Variants in B4GALNT2 observed in about 807,000 individuals in gnomAD.
B4GALNT2 encodes beta-1,4-N-acetyl-galactosaminyltransferase 2 (SID blood group), also known as N-acetylneuraminylgalactosylglucosyl-glucoside beta-1,4-N- acetylgalactosaminyltransferase 2.
B4GALNT2 carries 42 observed loss-of-function variants against 51.1 expected under a neutral mutation model. That is an observed-to-expected ratio of 0.82 (90% CI 0.64 to 1.06). The LOEUF is 1.06. Among genes scored for constraint, B4GALNT2 ranks in the 50% least tolerant of loss-of-function variants. The probability of loss-of-function intolerance (pLI) is 0.00; values close to 1 mark genes in which losing one functional copy is unlikely to be tolerated. For synonymous variants in B4GALNT2, 253 were observed against 251.7 expected, an observed-to-expected ratio of 1.01 and a Z score of -0.05; for missense variants, 602 against 633.6, an observed-to-expected ratio of 0.95 and a Z score of 0.54.
intron 5 of B4GALNT2, among the ~76,000 whole-genome samples, chr17:49,157,467 T>C (rs369312218): frequency 8.6e-4 from 131 of 152,150 alleles, no homozygotes; most frequent in African/African-American, 2.9e-3. Context: ...ACTACAGGCA[T>C]GCACCACTAC....
chr17:49,133,378 G>T (rs1347251289), intron 1 of B4GALNT2, among the ~76,000 whole-genome samples: 1 of 152,162 alleles, frequency 6.6e-6, no homozygotes, highest in Non-Finnish European at 1.5e-5. Flanking sequence ...GTGGCCCCGC[G>T]TGCTAAAGAG....
At chr17:49,124,508 C>G in the B4GALNT2 span, among the ~76,000 whole-genome samples, 4 of 152,174 alleles carry the variant, frequency 2.6e-5, no homozygotes, top group Non-Finnish European at 5.9e-5. Context: ...ATTATAATTA[C>G]TACTGATAAC....
intron 3 of B4GALNT2, among the ~76,000 whole-genome samples, chr17:49,145,392 G>A (rs2042684925): frequency 6.6e-6 from 1 of 152,056 alleles, no homozygotes; most frequent in Admixed American, 6.6e-5. Flanking sequence ...CATGATAAAG[G>A]AAAAGGAAAT....
At chr17:49,166,023 G>T in intron 8 of B4GALNT2, 91 bp from the exon 9 acceptor site, 1 of 1,425,746 alleles carries the variant, frequency 7.0e-7, no homozygotes, top group South Asian at 1.3e-5. Context: ...TGGAGTGCAT[G>T]CAGCCTGGCT....
At chr17:49,122,351 T>C in the B4GALNT2 span, among the ~76,000 whole-genome samples, 1 of 152,248 alleles carries the variant, frequency 6.6e-6, no homozygotes, top group African/African-American at 2.4e-5. Context: ...ATGTTCTTTC[T>C]AGCTACTTCC....
At chr17:49,133,167 G>A (rs1341812825) in intron 1 of B4GALNT2, 2 of 1,523,200 alleles carry the variant, frequency 1.3e-6, no homozygotes, top group Non-Finnish European at 1.8e-6. Flanking sequence ...ACTCAGAGGC[G>A]CTGACCCAGC....
At chr17:49,141,694 C>T (rs1326095538) in intron 2 of B4GALNT2, among the ~76,000 whole-genome samples, 1 of 152,160 alleles carries the variant, frequency 6.6e-6, no homozygotes, top group African/African-American at 2.4e-5. Context: ...ATCAAAACTG[C>T]AGAAAAGATG....
At chr17:49,125,945 C>G in the B4GALNT2 span, among the ~76,000 whole-genome samples, 58 of 149,906 alleles carry the variant, frequency 3.9e-4, no homozygotes, top group African/African-American at 1.3e-3. Flanking sequence ...CCCGACCGCC[C>G]CTACTGGGAA....
At position 49,168,684 on chromosome 17, in the gene B4GALNT2, G is replaced by A. The variant is rs2042932402; in HGVS notation, c.1099G>A (p.Gly367Ser). 3 of 1,613,032 alleles carry A rather than the reference G, an allele frequency of 1.9e-6. No individual in the cohort carries two copies. The highest frequency in any genetic ancestry group is 1.3e-5 in the African/African-American group (1 of 74,932). The stretch of plus-strand genomic sequence containing the variant: ...GATTTCTCTGCCTGCTGGCTAGGTA[G>A]GCGGCAGTGTGCTGGGAAATGTGTT... ...VLEKTELDVV[G>S]GSVLGNVFQF... The change falls in exon 10 of 11, where the codon GGC becomes AGC. Residue 367 changes from glycine (G) to serine (S), a missense_variant. Physicochemically the swap from Gly to Ser is moderately conservative, Grantham distance 56 (BLOSUM62 0). Transcript: ENST00000393354.
At chr17:49,161,296 A>AGG (rs1207345741) in intron 7 of B4GALNT2, among the ~76,000 whole-genome samples, 5 of 148,940 alleles carry the variant, frequency 3.4e-5, no homozygotes, top group Middle Eastern at 3.4e-3. Flanking sequence ...AAAGAGAGAG[A>AGG]CAGCTTGTCA....
At chr17:49,128,823 A>G (rs1382359825), upstream of B4GALNT2, among the ~76,000 whole-genome samples, 2 of 152,094 alleles carry the variant, frequency 1.3e-5, no homozygotes, top group Non-Finnish European at 2.9e-5. Context: ...CCCAGTGGAG[A>G]GGATGTGGGA....
chr17:49,142,294 G>A (rs2042652506), intron 3 of B4GALNT2, 122 bp downstream of exon 3: 6 of 1,254,882 alleles, frequency 4.8e-6, no homozygotes, highest in Non-Finnish European at 6.6e-6. Context: ...AGGGTCCCTG[G>A]GAGGAACTAT....
At chr17:49,159,547 G>C (rs1342041647) in intron 6 of B4GALNT2, among the ~76,000 whole-genome samples, 1 of 152,042 alleles carries the variant, frequency 6.6e-6, no homozygotes, top group Non-Finnish European at 1.5e-5. Context: ...TCACCATCTT[G>C]GCCAGGCTGG....
rs758807864 is a variant in B4GALNT2 at position 49,152,825 on chromosome 17, CT to C, written c.380del (p.Leu127ArgfsTer18). On this transcript the variant is annotated frameshift_variant, in exon 4 of 11. Coordinates refer to ENST00000393354, the MANE Select transcript of B4GALNT2 (RefSeq NM_001159387.2). LOFTEE classifies it high-confidence loss of function. ...AGAAGGGCTGCCCCGCCCACTGCCC[CT>C]GCTGGTCCAGCCCAACCTCCCCTTT... ...RREGLPRPLP[L>X]LVQPNLPFGY... is the part of the protein sequence containing the mutation. The C allele has an allele frequency of 1.9e-6, 3 of 1,608,628 alleles. No homozygotes were observed. Among genetic ancestry groups the C allele is most frequent in the Non-Finnish European group, 2.5e-6 (3 of 1,177,368 alleles).
rs140246256 is a variant in B4GALNT2, at chr17:49,144,668, G to C, written c.353+2496G>C. The stretch of plus-strand genomic sequence containing the variant: ...TAATACCAGCACTTTGGGAGGCCAA[G>C]ACAGGCAGATCACCTGAGGTCAGGA... On this transcript the variant is annotated intron_variant, in intron 3 of 10. Coordinates refer to ENST00000393354, the MANE Select transcript of B4GALNT2 (RefSeq NM_001159387.2). 3.3e-5 allele frequency among the ~76,000 whole-genome samples: 5 copies of C among 152,308 alleles called. No individual in the cohort carries two copies. The East Asian group carries it at 9.6e-4, about 29-fold the overall frequency.
intron 3 of B4GALNT2, among the ~76,000 whole-genome samples, chr17:49,144,079 G>A (rs2042670004): frequency 2.0e-5 from 3 of 152,150 alleles, no homozygotes; most frequent in Admixed American, 1.3e-4. Flanking sequence ...AACCTGGGAG[G>A]TGGAGGTTGC....
chr17:49,171,933 T>C lies in B4GALNT2; in HGVS notation c.*2205T>C, dbSNP rs2042960088. 3.3e-6 allele frequency: 1 copy of C among 307,474 alleles called. No homozygotes were observed. The highest frequency in any genetic ancestry group is 6.2e-6 in the Non-Finnish European group (1 of 162,184). 19.0% of individuals were successfully genotyped at this position (307,474 alleles called of 1,614,324 possible). ...AAATATTAAGAGCAGAAAGCATGTG[T>C]AACTGTGTCACACAGTGATTACATC... is the stretch of plus-strand genomic sequence containing the variant. On this transcript the variant is annotated 3_prime_UTR_variant, in exon 11 of 11. Transcript: ENST00000393354.
intron 1 of B4GALNT2, among the ~76,000 whole-genome samples, chr17:49,135,954 G>A (rs376807775): frequency 7.2e-5 from 11 of 151,842 alleles, no homozygotes; most frequent in African/African-American, 1.9e-4. Flanking sequence ...GTGGAGGTGC[G>A]TGCCTGTAGT....
intron 1 of B4GALNT2, chr17:49,133,058 C>G: frequency 6.7e-7 from 1 of 1,501,146 alleles, no homozygotes; most frequent in Non-Finnish European, 8.8e-7. Flanking sequence ...TGGGAAAATT[C>G]CACGTGGAAG....
Sources: allele counts gnomAD v4.1 joint callset (sites outside exome capture counted in the v4.1 genomes callset), GRCh38; gene constraint gnomAD v4.1.1; transcripts MANE v1.5; gene names NCBI Gene and HGNC (gene_info 2026-07-23, HGNC 2026-07-21).